Variants in RBMS3 observed in about 807,000 individuals in gnomAD.
RBMS3 encodes RNA-binding motif, single-stranded-interacting protein 3.
Under a neutral mutation model 66.8 loss-of-function variants are expected in RBMS3, and 27 were observed. That is an observed-to-expected ratio of 0.40 (90% CI 0.30 to 0.56). RBMS3 has a LOEUF of 0.56. Ranked by LOEUF, RBMS3 falls within the 20% of genes least tolerant of loss-of-function variation. The pLI is 0.40. For synonymous variants in RBMS3, 188 were observed against 183.0 expected (o/e 1.03, Z -0.22); for missense variants, 513 against 549.5 (o/e 0.93, Z 0.66).
At chr3:29,397,223 T>A (rs1303857382) in intron 1 of RBMS3, among the ~76,000 whole-genome samples, 1 of 152,182 alleles carries the variant, frequency 6.6e-6, no homozygotes, top group East Asian at 1.9e-4. Context: ...AGTTTGTGTG[T>A]TATATGTAAA....
chr3:29,687,802 A>G (rs1210124296), intron 4 of RBMS3, among the ~76,000 whole-genome samples: 8 of 152,164 alleles, frequency 5.3e-5, no homozygotes, highest in Non-Finnish European at 1.2e-4. Flanking sequence ...TGCTAGACAT[A>G]AGTTACGAGG....
At chr3:29,921,417 A>G (rs1230618208) in intron 10 of RBMS3, among the ~76,000 whole-genome samples, 1 of 143,722 alleles carries the variant, frequency 7.0e-6, no homozygotes, top group Non-Finnish European at 1.5e-5. Context: ...ATAGCCACTC[A>G]GAATATGTGG....
In RBMS3 at chr3:29,362,866, C is replaced by G. The variant is rs563505529; in HGVS notation, c.76-71877C>G. 2.0e-5 allele frequency among the ~76,000 whole-genome samples: 3 copies of G among 152,318 alleles called. No homozygotes were observed. In the South Asian group the frequency reaches 6.2e-4, roughly 32 times the overall value. On this transcript the variant is annotated intron_variant, in intron 1 of 14. Coordinates refer to ENST00000383767, the MANE Select transcript of RBMS3 (RefSeq NM_001003793.3). The stretch of plus-strand genomic sequence containing the variant: ...AAGTAAACTCCATTGTATTCCTGTT[C>G]TTTAGTCCTTTTGGTAGAAACCCAT...
chr3:29,699,608 GC>G (rs1273252286), intron 4 of RBMS3, among the ~76,000 whole-genome samples: 2 of 152,112 alleles, frequency 1.3e-5, no homozygotes, highest in African/African-American at 4.8e-5. Context: ...AACTCATGTA[GC>G]CTTTTTTTCT....
At chr3:29,542,491 G>C (rs1278271600) in intron 3 of RBMS3, among the ~76,000 whole-genome samples, 1 of 152,154 alleles carries the variant, frequency 6.6e-6, no homozygotes, top group Non-Finnish European at 1.5e-5. Flanking sequence ...CTCCTGAGTA[G>C]CTGGGATTAC....
At chr3:29,985,512 G>T (rs192770570) in intron 12 of RBMS3, among the ~76,000 whole-genome samples, 6 of 152,260 alleles carry the variant, frequency 3.9e-5, no homozygotes, top group Non-Finnish European at 7.4e-5. Flanking sequence ...TTTGCCAGTT[G>T]TGAAGACTGT....
chr3:29,493,285 GA>G, intron 3 of RBMS3, among the ~76,000 whole-genome samples: 1 of 152,196 alleles, frequency 6.6e-6, no homozygotes, highest in East Asian at 1.9e-4. Context: ...AAATATTTGA[GA>G]GTCAGGATCA....
intron 6 of RBMS3, among the ~76,000 whole-genome samples, chr3:29,841,045 A>T (rs1231941222): frequency 6.6e-6 from 1 of 151,544 alleles, no homozygotes; most frequent in Non-Finnish European, 1.5e-5. Flanking sequence ...CCAAGGTAAA[A>T]GTTAGACAGT....
At chr3:29,546,840 G>T (rs1391095184) in intron 3 of RBMS3, among the ~76,000 whole-genome samples, 1 of 152,126 alleles carries the variant, frequency 6.6e-6, no homozygotes, top group Admixed American at 6.5e-5. Flanking sequence ...ATCAGACATA[G>T]TTGATGACAG....
At chr3:29,292,079 A>G (rs1186019666) in intron 1 of RBMS3, among the ~76,000 whole-genome samples, 1 of 151,648 alleles carries the variant, frequency 6.6e-6, no homozygotes, top group African/African-American at 2.4e-5. Flanking sequence ...ATTCTCTCAT[A>G]ATCACCCTAT....
chr3:29,876,870 C>T (rs2059620945), intron 7 of RBMS3, among the ~76,000 whole-genome samples: 1 of 151,810 alleles, frequency 6.6e-6, no homozygotes, highest in Admixed American at 6.6e-5. Context: ...TACAAAGGCA[C>T]TTGATCATGA....
At chr3:29,698,357 G>A in intron 4 of RBMS3, 1 of 985,394 alleles carries the variant, frequency 1.0e-6, no homozygotes, top group Non-Finnish European at 1.2e-6. Flanking sequence ...GGAGCAGTTT[G>A]TGTCTGAATG....
chr3:29,691,949 A>ATTTTCTTTTTTTTTTTTTTTT (rs2052037330), intron 4 of RBMS3, among the ~76,000 whole-genome samples: 1 of 65,014 alleles, frequency 1.5e-5, no homozygotes, highest in Non-Finnish European at 2.9e-5. Context: ...CTCTCTCTCT[A>ATTTTCTTTTTTTTTTTTTTTT]TTTTTTTTTT....
intron 4 of RBMS3, among the ~76,000 whole-genome samples, chr3:29,718,071 TTAGTA>T (rs1292221519): frequency 2.0e-5 from 3 of 152,112 alleles, no homozygotes; most frequent in Non-Finnish European, 4.4e-5. Flanking sequence ...TTTCCTATCT[TTAGTA>T]TAGAGATTAA....
At position 30,004,941 on chromosome 3, in the gene RBMS3, AAAAC is replaced by A. The variant is rs1259654990; in HGVS notation, c.*1083_*1086del. 4.4e-4 allele frequency: 67 copies of A among 151,694 alleles called. No individual in the cohort carries two copies. The highest frequency in any genetic ancestry group is 1.6e-3 in the African/African-American group (65 of 41,386). 9.4% of individuals were successfully genotyped at this position (151,694 alleles called of 1,614,324 possible). A position where few individuals can be genotyped will look rare whatever the true frequency, so the allele number is the denominator to read the frequency against. On this transcript the variant is annotated 3_prime_UTR_variant, in exon 15 of 15. Transcript: ENST00000383767. ...CTTATGGTCAAAAAGTGCAAAAAAA[AAAAC>A]AAAAAAAAAGCAATAGATAGAGAAA...
At chr3:29,921,652 A>G (rs2060783768) in intron 10 of RBMS3, among the ~76,000 whole-genome samples, 1 of 152,164 alleles carries the variant, frequency 6.6e-6, no homozygotes, top group Non-Finnish European at 1.5e-5. Context: ...AACAACAGGA[A>G]TTACCGAAAT....
At chr3:29,704,734 T>G (rs116338952) in intron 4 of RBMS3, among the ~76,000 whole-genome samples, 197 of 152,366 alleles carry the variant, frequency 1.3e-3, no homozygotes, top group African/African-American at 4.3e-3. Flanking sequence ...TGTGTTGATT[T>G]CAGACTTTCT....
At chr3:29,619,882 T>TA (rs2048807670) in intron 4 of RBMS3, among the ~76,000 whole-genome samples, 1 of 152,150 alleles carries the variant, frequency 6.6e-6, no homozygotes, top group Non-Finnish European at 1.5e-5. Context: ...TTTTTTTTTT[T>TA]ACACGTGAGG....
At chr3:29,717,535 C>G (rs1339987836) in intron 4 of RBMS3, among the ~76,000 whole-genome samples, 1 of 152,044 alleles carries the variant, frequency 6.6e-6, no homozygotes, top group Admixed American at 6.6e-5. Context: ...TGAGATCCTA[C>G]TTTCCTTTAT....
Sources: gnomAD v4.1 joint callset for allele counts (sites outside exome capture counted in the v4.1 genomes callset) on GRCh38, gnomAD v4.1.1 for gene constraint, MANE v1.5 for transcripts, NCBI Gene and HGNC (gene_info 2026-07-23, HGNC 2026-07-21) for gene names.